DEUP1: variants seen among roughly 807,000 people sequenced by gnomAD.
The protein encoded by DEUP1 is coiled-coil domain containing 67.
DEUP1 carries 82 observed loss-of-function variants against 87.4 expected under a neutral mutation model. The observed-to-expected ratio is 0.94, with a 90% CI of 0.78 to 1.13. The LOEUF (loss-of-function observed/expected upper bound fraction) is 1.13, where lower values mean the gene tolerates loss of function less well. Ranked by LOEUF, DEUP1 falls within the 50% of genes most tolerant of loss-of-function variation. The pLI is 0.00. For synonymous variants in DEUP1, 214 were observed against 222.7 expected, an observed-to-expected ratio of 0.96 and a Z score of 0.35; for missense variants, 663 against 681.5, an observed-to-expected ratio of 0.97 and a Z score of 0.30.
At chr11:93,350,522 T>C (rs1944573148) in intron 2 of DEUP1, among the ~76,000 whole-genome samples, 1 of 152,164 alleles carries the variant, frequency 6.6e-6, no homozygotes, top group South Asian at 2.1e-4. Context: ...TGCAGTGATA[T>C]TGAAAAACAG....
intron 2 of DEUP1, among the ~76,000 whole-genome samples, chr11:93,336,061 C>T (rs1943746486): frequency 6.6e-6 from 1 of 152,064 alleles, no homozygotes; most frequent in African/African-American, 2.4e-5. Flanking sequence ...TGCAGTGAGC[C>T]GAGATTGTGC....
intron 13 of DEUP1, among the ~76,000 whole-genome samples, chr11:93,415,975 G>C (rs918102934): frequency 6.6e-6 from 1 of 151,938 alleles, no homozygotes. Flanking sequence ...GAGTCTTTTG[G>C]TGCATGTGTA....
intron 3 of DEUP1, among the ~76,000 whole-genome samples, chr11:93,356,628 G>A (rs998957503): frequency 2.0e-5 from 3 of 152,100 alleles, no homozygotes; most frequent in Non-Finnish European, 4.4e-5. Context: ...TATTGGTAGA[G>A]GTTTTGCTTG....
chr11:93,384,387 C>T (rs1946439446), intron 7 of DEUP1, among the ~76,000 whole-genome samples: 1 of 152,172 alleles, frequency 6.6e-6, no homozygotes, highest in South Asian at 2.1e-4. Flanking sequence ...TTCCATCTTC[C>T]TTCCTTCCTG....
chr11:93,366,806 A>C (rs1183937267), intron 5 of DEUP1, among the ~76,000 whole-genome samples: 1 of 152,216 alleles, frequency 6.6e-6, no homozygotes, highest in African/African-American at 2.4e-5. Context: ...GAGGTTAATG[A>C]GTAAGAAATG....
At chr11:93,334,086 G>C (rs1296378644) in intron 2 of DEUP1, among the ~76,000 whole-genome samples, 3 of 152,266 alleles carry the variant, frequency 2.0e-5, no homozygotes, top group Admixed American at 2.0e-4. Flanking sequence ...AAGTTAATGA[G>C]AGTTTTTAGA....
At chr11:93,381,497 TC>T (rs1946303158) in intron 7 of DEUP1, among the ~76,000 whole-genome samples, 1 of 152,158 alleles carries the variant, frequency 6.6e-6, no homozygotes. Flanking sequence ...ATGAATCACA[TC>T]TCATTTGTCT....
rs191518324 is a variant in DEUP1, at chr11:93,378,028, G to A, written c.789+6748G>A. Among the ~76,000 whole-genome samples the A allele has an allele frequency of 3.5e-4, 53 of 152,052 alleles. 1 individual carries two copies. The highest frequency in any genetic ancestry group is 6.8e-3 in the Middle Eastern group (2 of 294). On this transcript the variant is annotated intron_variant, in intron 7 of 13. Coordinates refer to ENST00000298050, the MANE Select transcript of DEUP1 (RefSeq NM_181645.4). ...GGTTACCTGATGCTTTTGCCTCACA[G>A]CTCTTAAGATTCTTTCCTTTATCTT...
At position 93,407,982 on chromosome 11, in the gene DEUP1, C is replaced by T. The variant is rs577573370; in HGVS notation, c.1327-249C>T. Among the ~76,000 whole-genome samples the T allele has an allele frequency of 2.6e-5, 4 of 152,022 alleles. No homozygotes were observed. In the South Asian group the frequency reaches 8.3e-4, roughly 32 times the overall value. ...ATGAGCAATATTGTATGTATTGCAC[C>T]ATCCAACAGTGGGGATGATGCAATA... is the stretch of plus-strand genomic sequence containing the variant. On this transcript the variant is annotated intron_variant, in intron 11 of 13. Coordinates refer to ENST00000298050, the MANE Select transcript of DEUP1 (RefSeq NM_181645.4).
intron 2 of DEUP1, among the ~76,000 whole-genome samples, chr11:93,335,897 C>T (rs976685988): frequency 5.9e-5 from 9 of 152,096 alleles, no homozygotes; most frequent in Non-Finnish European, 1.0e-4. Context: ...GGTGGATCAC[C>T]TGAGGTTGGG....
At chr11:93,340,389 G>T (rs1237532189) in intron 2 of DEUP1, among the ~76,000 whole-genome samples, 4 of 152,056 alleles carry the variant, frequency 2.6e-5, no homozygotes, top group Non-Finnish European at 5.9e-5. Flanking sequence ...CAGTTAGAGA[G>T]GAGGAAGCAA....
chr11:93,436,041 T>A (rs1177945914), intron 13 of DEUP1, among the ~76,000 whole-genome samples: 2 of 151,326 alleles, frequency 1.3e-5, no homozygotes, highest in South Asian at 2.1e-4. Context: ...AATAAATGAA[T>A]CAGATTATTC....
chr11:93,347,222 T>G (rs1184023336), intron 2 of DEUP1, among the ~76,000 whole-genome samples: 1 of 152,186 alleles, frequency 6.6e-6, no homozygotes, highest in African/African-American at 2.4e-5. Flanking sequence ...TTGAGAGTTT[T>G]TAACATGATG....
upstream of DEUP1, chr11:93,330,180 G>C (rs966619725): frequency 6.6e-6 from 1 of 152,248 alleles, no homozygotes; most frequent in Admixed American, 6.5e-5. Flanking sequence ...TAGGGTGAAC[G>C]GAGATAAAAG....
chr11:93,385,472 G>A lies in DEUP1; in HGVS notation c.864G>A (p.Met288Ile). ...ATGATCTCTTGAGAATTATAGAAAT[G>A]GAACGATTGCAATTACACAGAGAAT... The part of the protein sequence containing the change: ...SRDDLLRIIE[M>I]ERLQLHRELL... The change falls in exon 8 of 14, where the codon ATG (methionine) becomes ATA (isoleucine). Residue 288 changes from methionine to isoleucine, a missense_variant. By Grantham distance (10) the Met-to-Ile change is conservative (BLOSUM62 1). Coordinates refer to ENST00000298050, the MANE Select transcript of DEUP1 (RefSeq NM_181645.4). The A allele has an allele frequency of 6.2e-7, 1 of 1,611,760 alleles. No homozygotes were observed. The highest frequency in any genetic ancestry group is 8.5e-7 in the Non-Finnish European group (1 of 1,178,662).
chr11:93,367,928 A>G (rs1343543679), intron 5 of DEUP1, among the ~76,000 whole-genome samples: 1 of 152,216 alleles, frequency 6.6e-6, no homozygotes, highest in Non-Finnish European at 1.5e-5. Flanking sequence ...GGCACTGTGA[A>G]TGGTACAAAA....
Position 93,355,520 on chromosome 11 carries a change from G to T in DEUP1, c.179G>T (p.Cys60Phe), listed in dbSNP as rs928400017. 1 of 1,613,664 alleles carries T rather than the reference G, an allele frequency of 6.2e-7. No individual in the cohort carries two copies. Among genetic ancestry groups the T allele is most frequent in the Non-Finnish European group, 8.5e-7 (1 of 1,179,756 alleles). The change falls in exon 3 of 14, where the codon TGT becomes TTT. Residue 60 changes from cysteine (C) to phenylalanine (F), a missense_variant. Cys to Phe is a radical substitution (Grantham distance 205). Coordinates refer to ENST00000298050, the MANE Select transcript of DEUP1 (RefSeq NM_181645.4). Reference sequence around the variant, plus strand: ...CAAGAATTGGCAAATGCACAAACTTGTTTGGATCAGAAAGGTCAAGAGGTA... The same window carrying T: ...CAAGAATTGGCAAATGCACAAACTTTTTTGGATCAGAAAGGTCAAGAGGTA... ...RDQELANAQT[C>F]LDQKGQEVGL...
At chr11:93,426,994 T>TAAAAA (rs1157644297) in intron 13 of DEUP1, among the ~76,000 whole-genome samples, 10 of 2,902 alleles carry the variant, frequency 3.4e-3, no homozygotes, top group Admixed American at 7.8e-3. Context: ...TAGAGTATAA[T>TAAAAA]AAAAAAAAAA....
intron 11 of DEUP1, 192 bp downstream of exon 11, chr11:93,396,517 T>C (rs1946951332): frequency 2.1e-6 from 1 of 486,766 alleles, no homozygotes; most frequent in African/African-American, 2.0e-5. Flanking sequence ...TTTTCTCCCT[T>C]GTTCTTTGGT....
Sources: gnomAD v4.1 joint callset for allele counts (sites outside exome capture counted in the v4.1 genomes callset) on GRCh38, gnomAD v4.1.1 for gene constraint, MANE v1.5 for transcripts, NCBI Gene and HGNC (gene_info 2026-07-23, HGNC 2026-07-21) for gene names.